Variants in RORB observed in about 807,000 individuals in gnomAD.
RORB encodes the protein nuclear receptor ROR-beta.
In RORB, 6 loss-of-function variants were observed where a neutral mutation model predicts 59.1. The observed-to-expected ratio is 0.10, with a 90% confidence interval of 0.06 to 0.20. The LOEUF (loss-of-function observed/expected upper bound fraction) is 0.20. RORB is among the 10% of genes least tolerant of loss of function. The pLI is 1.00. For missense variants in RORB, 320 were observed against 560.5 expected (o/e 0.57, Z 4.33); for synonymous variants, 215 against 204.5 (o/e 1.05, Z -0.44).
At chr9:74,581,950 C>A (rs548936359) in intron 1 of RORB, among the ~76,000 whole-genome samples, 1 of 152,214 alleles carries the variant, frequency 6.6e-6, no homozygotes, top group South Asian at 2.1e-4. Flanking sequence ...TATTTTAGCT[C>A]TTAAAGTCTA....
At chr9:74,548,759 G>C (rs1209124130) in intron 1 of RORB, among the ~76,000 whole-genome samples, 1 of 152,152 alleles carries the variant, frequency 6.6e-6, no homozygotes, top group Admixed American at 6.5e-5. Flanking sequence ...AAATATGTCA[G>C]TGAATTCTCT....
intron 8 of RORB, among the ~76,000 whole-genome samples, chr9:74,668,262 G>A (rs532462637): frequency 6.6e-6 from 1 of 152,352 alleles, no homozygotes; most frequent in Non-Finnish European, 1.5e-5. Context: ...ATGAGACACA[G>A]TAGAAATGTA....
chr9:74,641,080 G>A (rs552500073), intron 3 of RORB, among the ~76,000 whole-genome samples: 27 of 152,292 alleles, frequency 1.8e-4, no homozygotes, highest in Non-Finnish European at 3.1e-4. Context: ...CCAAGAGGTG[G>A]TGGGAATACC....
chr9:74,642,597 C>T lies in RORB; in HGVS notation c.419C>T (p.Thr140Ile), dbSNP rs751596774. The change falls in exon 4 of 10, where the codon ACT becomes ATT. Residue 140 changes from threonine (T) to isoleucine (I), a missense_variant. Thr to Ile is a moderately conservative substitution (Grantham distance 89, BLOSUM62 -1). Transcript: ENST00000376896. The stretch of plus-strand genomic sequence containing the variant: ...AACCTGAACAACGAGACCAGCGGCA[C>T]TTATGCCAACGGGCACGTCATTGAC... Reference protein sequence around the residue: ...LSNLNNETSGTYANGHVIDLP... With the variant: ...LSNLNNETSGIYANGHVIDLP... 3.1e-6 allele frequency: 5 copies of T among 1,614,222 alleles called. No homozygotes were observed. The East Asian group carries it at 1.1e-4, about 36-fold the overall frequency.
At chr9:74,501,080 G>A (rs12353143) in intron 1 of RORB, among the ~76,000 whole-genome samples, 2,424 of 152,204 alleles carry the variant, frequency 0.016, 66 homozygotes, top group African/African-American at 0.055. Flanking sequence ...TCTGTGGGCT[G>A]TTTATTACAC....
At chr9:74,640,617 T>C (rs990433430) in intron 3 of RORB, among the ~76,000 whole-genome samples, 2 of 152,090 alleles carry the variant, frequency 1.3e-5, no homozygotes, top group Non-Finnish European at 2.9e-5. Context: ...ATTAAGAAGA[T>C]ACAGAAAGAG....
intron 5 of RORB, among the ~76,000 whole-genome samples, chr9:74,661,636 C>CTGTT (rs1554673797): frequency 1.3e-5 from 1 of 79,590 alleles, no homozygotes; most frequent in African/African-American, 4.8e-5. Flanking sequence ...TTCTTTTTTC[C>CTGTT]TTTTTTTTTT....
chr9:74,661,433 C>T (rs1025608803), intron 5 of RORB, among the ~76,000 whole-genome samples: 1 of 152,026 alleles, frequency 6.6e-6, no homozygotes, highest in African/African-American at 2.4e-5. Flanking sequence ...ACCAGAACAA[C>T]TAAATCTCAG....
In RORB at chr9:74,689,168, A is replaced by G. The variant is rs970631421; in HGVS notation, c.*3550A>G. 1 of 152,240 alleles carries G rather than the reference A, an allele frequency of 6.6e-6. No homozygotes were observed. The highest frequency in any genetic ancestry group is 2.4e-5 in the African/African-American group (1 of 41,388). 9.4% of individuals were successfully genotyped at this position (152,240 alleles called of 1,614,324 possible). A position where few individuals can be genotyped will look rare whatever the true frequency, so the allele number is the denominator to read the frequency against. ...TCAGGCTGGAGTGCAGTGGCATGAG[A>G]TCTTGGCTCGCTGCAATCTCTGCCT... On this transcript the variant is annotated 3_prime_UTR_variant, in exon 10 of 10. Coordinates refer to ENST00000376896, the MANE Select transcript of RORB (RefSeq NM_006914.4).
intron 1 of RORB, among the ~76,000 whole-genome samples, chr9:74,603,028 A>G (rs141730025): frequency 6.6e-6 from 1 of 152,168 alleles, no homozygotes; most frequent in Non-Finnish European, 1.5e-5. Context: ...CGAATTAATC[A>G]GTAGGTGTAA....
chr9:74,529,988 G>C (rs930884891), intron 1 of RORB, among the ~76,000 whole-genome samples: 1 of 151,964 alleles, frequency 6.6e-6, no homozygotes, highest in Non-Finnish European at 1.5e-5. Context: ...AAGTGCATCA[G>C]ACTGATGGTG....
intron 9 of RORB, among the ~76,000 whole-genome samples, chr9:74,673,329 C>G (rs1469208967): frequency 2.0e-5 from 3 of 152,102 alleles, no homozygotes; most frequent in Non-Finnish European, 4.4e-5. Context: ...CTTTTGTCCC[C>G]ATATTTACCA....
In RORB at chr9:74,686,269, A is replaced by T. The variant is rs1587424761; in HGVS notation, c.*651A>T. On this transcript the variant is annotated 3_prime_UTR_variant, in exon 10 of 10. Transcript: ENST00000376896. ...CAATCAGGATTTTGTTTTCCCAGCC[A>T]GAGTTTTCATCTATAGTCAATGGCA... is the stretch of plus-strand genomic sequence containing the variant. 2 of 152,654 alleles carry T rather than the reference A, an allele frequency of 1.3e-5. No homozygotes were observed. The highest frequency in any genetic ancestry group is 4.8e-5 in the African/African-American group (2 of 41,460). The allele number at this position is 152,654 out of a possible 1,614,324, so 9.5% of individuals were successfully genotyped here.
At chr9:74,609,821 T>A (rs567994458) in intron 1 of RORB, among the ~76,000 whole-genome samples, 1 of 152,254 alleles carries the variant, frequency 6.6e-6, no homozygotes. Flanking sequence ...ACTGGGCCTA[T>A]TTTGTCCCCA....
At chr9:74,675,006 G>T (rs1450354127) in intron 9 of RORB, among the ~76,000 whole-genome samples, 1 of 152,038 alleles carries the variant, frequency 6.6e-6, no homozygotes, top group East Asian at 1.9e-4. Context: ...TGTAAGTGCT[G>T]TTGCTGTGTT....
chr9:74,574,027 C>G (rs1822593027), intron 1 of RORB, among the ~76,000 whole-genome samples: 1 of 152,116 alleles, frequency 6.6e-6, no homozygotes, highest in African/African-American at 2.4e-5. Flanking sequence ...TTTAAAGGAA[C>G]AGAGGCGCCA....
chr9:74,665,407 C>A, intron 6 of RORB, 81 bp from the exon 7 acceptor site: 2 of 742,940 alleles, frequency 2.7e-6, no homozygotes, highest in Non-Finnish European at 4.3e-6. Context: ...AGTCTCTTAC[C>A]TATATGCAGT....
intron 1 of RORB, among the ~76,000 whole-genome samples, chr9:74,593,207 C>T (rs1341071410): frequency 6.6e-6 from 1 of 152,054 alleles, no homozygotes; most frequent in East Asian, 1.9e-4. Context: ...TGGCACACAC[C>T]TATAATCCCA....
At chr9:74,662,443 C>T (rs762439473) in intron 5 of RORB, 31 bp from the exon 6 acceptor site, 5 of 1,611,692 alleles carry the variant, frequency 3.1e-6, no homozygotes, top group Non-Finnish European at 3.4e-6. Context: ...GTCGTTTGCC[C>T]TATTTACATT....
Sources: allele counts gnomAD v4.1 joint callset (sites outside exome capture counted in the v4.1 genomes callset), GRCh38; gene constraint gnomAD v4.1.1; transcripts MANE v1.5; gene names NCBI Gene and HGNC (gene_info 2026-07-23, HGNC 2026-07-21).